KLF13: variants seen among roughly 807,000 people sequenced by gnomAD.
KLF13 encodes the protein KLF transcription factor 13.
Under a neutral mutation model 16.7 loss-of-function variants are expected in KLF13, and 8 were observed. The ratio of observed to expected loss-of-function variants is 0.48; its 90% CI spans 0.28 to 0.87. KLF13 has a LOEUF of 0.87. Ranked by LOEUF, KLF13 falls within the 40% of genes least tolerant of loss-of-function variation. KLF13 has a pLI of 0.10. For missense variants in KLF13, 447 were observed against 452.2 expected (o/e 0.99, Z 0.10); for synonymous variants, 245 against 208.4 (o/e 1.18, Z -1.51).
chr15:31,365,714 C>A (rs1424335334), intron 1 of KLF13, among the ~76,000 whole-genome samples: 1 of 152,154 alleles, frequency 6.6e-6, no homozygotes, highest in Non-Finnish European at 1.5e-5. Context: ...GAGGGCAGAG[C>A]AGAGTGGAGT....
chr15:31,364,351 T>C (rs11070980), intron 1 of KLF13, among the ~76,000 whole-genome samples: 53,560 of 152,120 alleles, frequency 0.35, 9,718 homozygotes, highest in African/African-American at 0.43. Flanking sequence ...ACTGTGGCAG[T>C]CTCCAGCCAG....
intron 1 of KLF13, among the ~76,000 whole-genome samples, chr15:31,410,623 ACAC>A (rs1566842511): frequency 1.4e-5 from 2 of 142,008 alleles, no homozygotes; most frequent in African/African-American, 2.6e-5. Context: ...ACACACACAC[ACAC>A]CCCTATAACA....
In KLF13 at chr15:31,376,834, A is replaced by G. The variant is rs1034520564; in HGVS notation, c.*4535A>G. Reference sequence around the variant, plus strand: ...ACCCCCATGAAGATTTCAGACTTGCAGTGCGGCCACCTGGCCCTGCCCTGC... The same window carrying G: ...ACCCCCATGAAGATTTCAGACTTGCGGTGCGGCCACCTGGCCCTGCCCTGC... On this transcript the variant is annotated 3_prime_UTR_variant, in exon 2 of 2. Transcript: ENST00000307145. 1 of 152,618 alleles carries G rather than the reference A, an allele frequency of 6.6e-6. No individual in the cohort carries two copies. The highest frequency in any genetic ancestry group is 2.4e-5 in the African/African-American group (1 of 41,438). 9.5% of individuals were successfully genotyped at this position (152,618 alleles called of 1,614,324 possible). A position where few individuals can be genotyped will look rare whatever the true frequency, so the allele number is the denominator to read the frequency against.
chr15:31,408,177 C>G (rs2040150567), downstream of KLF13, among the ~76,000 whole-genome samples: 1 of 152,166 alleles, frequency 6.6e-6, no homozygotes, highest in African/African-American at 2.4e-5. Flanking sequence ...TAAAAGAATT[C>G]TGCAAGACAG....
rs75060822 is a variant in KLF13, at chr15:31,371,214, G to A, written c.578-796G>A. Reference sequence around the variant, plus strand: ...CTGGGTAAATGCTGGCCTGTCTCCCGCTCCGAGTGAGGGATGGGAAGGAGG... The same window carrying A: ...CTGGGTAAATGCTGGCCTGTCTCCCACTCCGAGTGAGGGATGGGAAGGAGG... On this transcript the variant is annotated intron_variant, in intron 1 of 1. Transcript: ENST00000307145. Among the ~76,000 whole-genome samples, 310 of 152,274 alleles carry A rather than the reference G, an allele frequency of 2.0e-3. 1 individual carries two copies. Among genetic ancestry groups the A allele is most frequent in the African/African-American group, 7.1e-3 (294 of 41,548 alleles).
chr15:31,339,859 T>C, intron 1 of KLF13: 1 of 678,128 alleles, frequency 1.5e-6, no homozygotes, highest in Non-Finnish European at 2.7e-6. Context: ...GGTGGCACTT[T>C]GCTGTGGGAG....
chr15:31,371,498 C>G (rs2039553955), intron 1 of KLF13, among the ~76,000 whole-genome samples: 1 of 152,266 alleles, frequency 6.6e-6, no homozygotes, highest in African/African-American at 2.4e-5. Flanking sequence ...TACGCTGACC[C>G]TCTCATGTGA....
At chr15:31,353,970 A>G (rs2039259427) in intron 1 of KLF13, among the ~76,000 whole-genome samples, 2 of 152,028 alleles carry the variant, frequency 1.3e-5, no homozygotes, top group South Asian at 4.2e-4. Flanking sequence ...AGAGTCCCTA[A>G]CTCCCCTGAG....
intron 1 of KLF13, among the ~76,000 whole-genome samples, chr15:31,357,387 T>C (rs1176546521): frequency 6.6e-6 from 1 of 152,260 alleles, no homozygotes; most frequent in Non-Finnish European, 1.5e-5. Flanking sequence ...TGATCCTTGA[T>C]GTCTGGTGAC....
At chr15:31,424,905 A>ACACACACACACACACACACAC (rs1555383520) in intron 1 of KLF13, among the ~76,000 whole-genome samples, 2 of 151,442 alleles carry the variant, frequency 1.3e-5, no homozygotes, top group African/African-American at 2.4e-5. Flanking sequence ...ACACACACAC[A>ACACACACACACACACACACAC]AAGCTCTTAG....
rs2039572638 is a variant in KLF13, at chr15:31,372,582, C to T, written c.*283C>T. 1 of 458,244 alleles carries T rather than the reference C, an allele frequency of 2.2e-6. No individual in the cohort carries two copies. The highest frequency in any genetic ancestry group is 3.8e-6 in the Non-Finnish European group (1 of 262,064). 28.4% of individuals were successfully genotyped at this position (458,244 alleles called of 1,614,324 possible). On this transcript the variant is annotated 3_prime_UTR_variant, in exon 2 of 2. Transcript: ENST00000307145. ...ACACGTTTCACGAGGTCAGTGAGGA[C>T]ACCCCTTCCTGCCGCCTTACTCTGT...
At chr15:31,402,157 G>A (rs999582422) in intron 2 of KLF13, among the ~76,000 whole-genome samples, 2 of 152,228 alleles carry the variant, frequency 1.3e-5, no homozygotes, top group Non-Finnish European at 2.9e-5. Flanking sequence ...GCCCAAAGAA[G>A]GGCTGTGGGG....
At chr15:31,394,574 T>C (rs1034306521) in intron 2 of KLF13, among the ~76,000 whole-genome samples, 12 of 152,122 alleles carry the variant, frequency 7.9e-5, no homozygotes, top group African/African-American at 2.7e-4. Flanking sequence ...GCTTATTTTT[T>C]CAAAAAGAAG....
At chr15:31,363,025 C>T (rs947613329) in intron 1 of KLF13, among the ~76,000 whole-genome samples, 14 of 152,198 alleles carry the variant, frequency 9.2e-5, no homozygotes, top group African/African-American at 2.9e-4. Context: ...TGTGCAAATG[C>T]GTTTGTAGGC....
chr15:31,340,457 C>T (rs1190457062), intron 1 of KLF13, among the ~76,000 whole-genome samples: 1 of 152,202 alleles, frequency 6.6e-6, no homozygotes, highest in East Asian at 1.9e-4. Context: ...CCCCAGCATC[C>T]CTCCTCACCT....
intron 1 of KLF13, among the ~76,000 whole-genome samples, chr15:31,337,247 TCCGC>T (rs1312832622): frequency 6.6e-6 from 1 of 152,208 alleles, no homozygotes; most frequent in African/African-American, 2.4e-5. Flanking sequence ...ACTTCCTTCT[TCCGC>T]CCGCCTTACA....
chr15:31,357,759 CT>C (rs1269493979), intron 1 of KLF13, among the ~76,000 whole-genome samples: 1 of 152,148 alleles, frequency 6.6e-6, no homozygotes, highest in Non-Finnish European at 1.5e-5. Flanking sequence ...GAGGAAAGAC[CT>C]TGTGTCCACA....
chr15:31,361,951 G>T (rs921729951), intron 1 of KLF13, among the ~76,000 whole-genome samples: 26 of 151,916 alleles, frequency 1.7e-4, no homozygotes, highest in African/African-American at 6.3e-4. Flanking sequence ...TGGTGCAAGA[G>T]AAAACCCTTT....
chr15:31,413,204 A>AAAAAAAC (rs1566843725), intron 1 of KLF13, among the ~76,000 whole-genome samples: 1 of 125,582 alleles, frequency 8.0e-6, no homozygotes, highest in East Asian at 2.7e-4. Flanking sequence ...AAAAAAAAAC[A>AAAAAAAC]AAAAACAAAA....
Sources: allele counts gnomAD v4.1 joint callset (sites outside exome capture counted in the v4.1 genomes callset), GRCh38; gene constraint gnomAD v4.1.1; transcripts MANE v1.5; gene names NCBI Gene and HGNC (gene_info 2026-07-23, HGNC 2026-07-21).